The following MRE11 variants were observed in gnomAD, a reference collection of about 807,000 sequenced individuals.
MRE11 encodes the protein double-strand break repair protein MRE11.
A neutral mutation model predicts 91.7 loss-of-function variants in MRE11; 62 were observed. The ratio of observed to expected loss-of-function variants is 0.68; its 90% confidence interval spans 0.55 to 0.84. MRE11 has a LOEUF of 0.84. Ranked by LOEUF, MRE11 falls within the 40% of genes least tolerant of loss-of-function variation. MRE11 has a pLI of 0.00. For missense variants in MRE11, 796 were observed against 852.9 expected (o/e 0.93, Z 0.83); for synonymous variants, 273 against 271.4 (o/e 1.01, Z -0.06).
At chr11:94,435,747 G>T in intron 18 of MRE11, 85 bp downstream of exon 18, 1 of 1,138,030 alleles carries the variant, frequency 8.8e-7, no homozygotes, top group Non-Finnish European at 1.3e-6. Flanking sequence ...AACTTACATG[G>T]CATAGAAAAA....
rs376755444 is a variant in MRE11, at chr11:94,447,466, A to G, written c.1564-28T>C. 26 of 1,593,580 alleles carry G rather than the reference A, an allele frequency of 1.6e-5. No individual in the cohort carries two copies. The Middle Eastern group carries it at 2.5e-3, about 153-fold the overall frequency. Reference sequence around the variant, plus strand: ...AAGAGGGAGAAGAAGGAGAAAGTACACACAATGAGATAACGTACCATCCTA... The same window carrying G: ...AAGAGGGAGAAGAAGGAGAAAGTACGCACAATGAGATAACGTACCATCCTA... On this transcript the variant is annotated intron_variant, in intron 14 of 19. Coordinates refer to ENST00000323929, the MANE Select transcript of MRE11 (RefSeq NM_005591.4).
chr11:94,430,870 C>A (rs1945446546), intron 18 of MRE11, among the ~76,000 whole-genome samples: 1 of 152,086 alleles, frequency 6.6e-6, no homozygotes, highest in African/African-American at 2.4e-5. Context: ...CAAATCTAGC[C>A]CACCACCAGG....
rs538190710 is a variant in MRE11, at chr11:94,445,807, C to T, written c.1867+3G>A. On this transcript the variant is annotated splice_donor_region_variant and intron_variant, in intron 16 of 19. Transcript: ENST00000323929. Reference sequence around the variant, plus strand: ...TAAATAATCACTTGCAGTCTATACTCACCATCTATAATAGACATATTTCTA... The same window carrying T: ...TAAATAATCACTTGCAGTCTATACTTACCATCTATAATAGACATATTTCTA... The T allele has an allele frequency of 6.3e-7, 1 of 1,599,308 alleles. No homozygotes were observed. Among genetic ancestry groups the T allele is most frequent in the African/African-American group, 1.3e-5 (1 of 74,732 alleles).
chr11:94,432,685 A>G (rs1945496218), intron 18 of MRE11, among the ~76,000 whole-genome samples: 1 of 152,178 alleles, frequency 6.6e-6, no homozygotes, highest in Non-Finnish European at 1.5e-5. Flanking sequence ...CAGGGCCTGT[A>G]GTCCCAGCTA....
At chr11:94,462,861 G>T (rs1023007248) in intron 11 of MRE11, among the ~76,000 whole-genome samples, 5 of 152,070 alleles carry the variant, frequency 3.3e-5, no homozygotes, top group African/African-American at 1.2e-4. Context: ...ATTCAGGACA[G>T]AGGCATGAGC....
chr11:94,444,686 A>C (rs1371619386), intron 16 of MRE11, among the ~76,000 whole-genome samples: 1 of 152,160 alleles, frequency 6.6e-6, no homozygotes, highest in African/African-American at 2.4e-5. Flanking sequence ...TACCTCTCAC[A>C]ACTCTACTTG....
Position 94,415,755 on chromosome 11 carries a change from T to C in MRE11, c.*4370A>G, listed in dbSNP as rs1945020543. 6.6e-6 allele frequency: 1 copy of C among 152,188 alleles called. No individual in the cohort carries two copies. The highest frequency in any genetic ancestry group is 2.4e-5 in the African/African-American group (1 of 41,440). 9.4% of individuals were successfully genotyped at this position (152,188 alleles called of 1,614,324 possible). A position where few individuals can be genotyped will look rare whatever the true frequency, so the allele number is the denominator to read the frequency against. ...GTCAAAATAAGTACCAAGGAGAACA[T>C]ATACTTTGAAAAGGGGGCTAAAACA... On this transcript the variant is annotated 3_prime_UTR_variant, in exon 20 of 20. Transcript: ENST00000323929.
At position 94,459,553 on chromosome 11, in the gene MRE11, C is replaced by G; in HGVS notation, c.1355G>C (p.Arg452Thr). 6.2e-7 allele frequency: 1 copy of G among 1,614,066 alleles called. No individual in the cohort carries two copies. The change falls in exon 13 of 20, where the codon AGA becomes ACA. Residue 452 changes from arginine (R) to threonine (T), a missense_variant. Coordinates refer to ENST00000323929, the MANE Select transcript of MRE11 (RefSeq NM_005591.4). ...KNVQLSLLTERGMGEAVQEFV... is the reference protein window; with the variant it reads ...KNVQLSLLTETGMGEAVQEFV... Reference sequence around the variant, plus strand: ...TTCTTGTACTGCTTCACCCATCCCTCTTTCTGTTAGCAGTGAGAGCTGCAC... The same window carrying G: ...TTCTTGTACTGCTTCACCCATCCCTGTTTCTGTTAGCAGTGAGAGCTGCAC...
chr11:94,461,656 A>G (rs1015971695), intron 11 of MRE11, among the ~76,000 whole-genome samples: 4 of 152,210 alleles, frequency 2.6e-5, no homozygotes, highest in African/African-American at 9.7e-5. Context: ...GTATTCAATT[A>G]GGAAAAGAGG....
chr11:94,477,287 A>G (rs1045930611), intron 6 of MRE11, among the ~76,000 whole-genome samples: 2 of 152,316 alleles, frequency 1.3e-5, no homozygotes, highest in Non-Finnish European at 2.9e-5. Flanking sequence ...ATATTCTTAC[A>G]TTGTTTTAAT....
rs1591702978 is a variant in MRE11, at chr11:94,476,271, T to G, written c.659+18A>C. 1.9e-6 allele frequency: 3 copies of G among 1,571,460 alleles called. No homozygotes were observed. Among genetic ancestry groups the G allele is most frequent in the Non-Finnish European group, 1.8e-6 (2 of 1,141,514 alleles). ...AGCCTCAGCACTTGGCTCAAACTTT[T>G]TCAGAGAAAAGTTTTACCTGTTCTG... On this transcript the variant is annotated intron_variant, in intron 7 of 19. Transcript: ENST00000323929.
rs537405059 is a variant in MRE11, at chr11:94,426,271, G to C, written c.2070+3640C>G. ...TAAGGCAGAAATAAAAAAATTCTTT[G>C]AAATTAATAAAAATTCATTCATTAA... On this transcript the variant is annotated intron_variant, in intron 19 of 19. Coordinates refer to ENST00000323929, the MANE Select transcript of MRE11 (RefSeq NM_005591.4). Among the ~76,000 whole-genome samples, 16 of 151,932 alleles carry C rather than the reference G, an allele frequency of 1.1e-4. 1 individual carries two copies. The South Asian group carries it at 3.3e-3, about 32-fold the overall frequency.
At chr11:94,478,904 AGTGT>A (rs1946944428) in intron 5 of MRE11, 28 bp from the exon 6 acceptor site, 1 of 1,611,110 alleles carries the variant, frequency 6.2e-7, no homozygotes, top group Admixed American at 1.7e-5. Flanking sequence ...AAAGAATGTT[AGTGT>A]GTATGTAAAA....
upstream of MRE11, among the ~76,000 whole-genome samples, chr11:94,495,688 A>T (rs989903109): frequency 1.3e-5 from 2 of 152,346 alleles, no homozygotes; most frequent in Non-Finnish European, 2.9e-5. Flanking sequence ...ATGGCAGCTT[A>T]GCAGAATAAA....
At chr11:94,501,825 AGTTT>A in the MRE11 span, among the ~76,000 whole-genome samples, 2 of 151,940 alleles carry the variant, frequency 1.3e-5, no homozygotes, top group African/African-American at 4.8e-5. Context: ...GTTGTAGGCT[AGTTT>A]GTTATTTAAA....
chr11:94,472,145 T>C (rs781529980), intron 7 of MRE11, among the ~76,000 whole-genome samples: 2 of 152,076 alleles, frequency 1.3e-5, no homozygotes, highest in Admixed American at 6.6e-5. Flanking sequence ...TGCAAGTAAG[T>C]ATAAATATGT....
the MRE11 span, among the ~76,000 whole-genome samples, chr11:94,502,096 A>G: frequency 6.6e-6 from 1 of 152,210 alleles, no homozygotes; most frequent in African/African-American, 2.4e-5. Flanking sequence ...TGGGCCAACT[A>G]TGCTGTATGT....
intron 19 of MRE11, among the ~76,000 whole-genome samples, chr11:94,426,672 A>C (rs1210495839): frequency 6.6e-6 from 1 of 152,150 alleles, no homozygotes; most frequent in Non-Finnish European, 1.5e-5. Flanking sequence ...TAGATTAACA[A>C]AGGAAAAAGA....
upstream of MRE11, chr11:94,497,166 A>G: frequency 5.0e-6 from 3 of 604,714 alleles, no homozygotes; most frequent in Non-Finnish European, 5.8e-6. Context: ...ATAGCAAGCA[A>G]TCATCTATAT....
Sources: gnomAD v4.1 joint callset for allele counts (sites outside exome capture counted in the v4.1 genomes callset) on GRCh38, gnomAD v4.1.1 for gene constraint, MANE v1.5 for transcripts, NCBI Gene and HGNC (gene_info 2026-07-23, HGNC 2026-07-21) for gene names.